DHDDS: variants seen among roughly 807,000 people sequenced by gnomAD.
DHDDS encodes dehydrodolichyl diphosphate synthase complex subunit DHDDS.
In DHDDS, 16 loss-of-function variants were observed where a neutral mutation model predicts 46.2. The ratio of observed to expected loss-of-function variants is 0.35; its 90% CI spans 0.23 to 0.53. DHDDS has a LOEUF of 0.53. DHDDS is among the 20% of genes least tolerant of loss of function. DHDDS has a pLI of 0.94. For missense variants in DHDDS, 340 were observed against 423.7 expected, an observed-to-expected ratio of 0.80 and a Z score of 1.73; for synonymous variants, 151 against 163.1, an observed-to-expected ratio of 0.93 and a Z score of 0.56.
chr1:26,460,159 A>G lies in DHDDS; in HGVS notation c.765+15A>G. The G allele has an allele frequency of 1.3e-6, 2 of 1,592,468 alleles. No homozygotes were observed. The highest frequency in any genetic ancestry group is 1.7e-6 in the Non-Finnish European group (2 of 1,160,660). On this transcript the variant is annotated intron_variant, in intron 8 of 8. Coordinates refer to ENST00000236342, the MANE Select transcript of DHDDS (RefSeq NM_205861.3). ...GCGTGCTTCAGGTAAGAAAGAGTTC[A>G]GGGCTGGCCAGATGGGATGGGATGG...
At position 26,469,282 on chromosome 1, in the gene DHDDS, A is replaced by G. The variant is rs1196119096; in HGVS notation, c.*151A>G. 12 of 1,450,080 alleles carry G rather than the reference A, an allele frequency of 8.3e-6. No homozygotes were observed. Among genetic ancestry groups the G allele is most frequent in the Admixed American group, 1.9e-5 (1 of 52,700 alleles). 89.8% of individuals were successfully genotyped at this position (1,450,080 alleles called of 1,614,324 possible). A position where few individuals can be genotyped will look rare whatever the true frequency, so the allele number is the denominator to read the frequency against. ...GCCCCCCAGGCCAGGTTTGCTGGCC[A>G]TAGATACCTTTGGGCTGCCTGGGAC... On this transcript the variant is annotated 3_prime_UTR_variant, in exon 9 of 9. Transcript: ENST00000236342.
intron 3 of DHDDS, among the ~76,000 whole-genome samples, chr1:26,439,781 G>A (rs1320012520): frequency 6.6e-6 from 1 of 152,176 alleles, no homozygotes; most frequent in African/African-American, 2.4e-5. Context: ...TATAATGCAT[G>A]TTATAAATTG....
At chr1:26,452,818 G>T (rs1323482344) in intron 6 of DHDDS, among the ~76,000 whole-genome samples, 3 of 152,144 alleles carry the variant, frequency 2.0e-5, no homozygotes, top group Admixed American at 6.6e-5. Context: ...AAAAAAATTA[G>T]ATGGACATGG....
At chr1:26,434,719 C>G (rs1042106962) in intron 2 of DHDDS, among the ~76,000 whole-genome samples, 9 of 152,086 alleles carry the variant, frequency 5.9e-5, no homozygotes, top group African/African-American at 2.2e-4. Flanking sequence ...GTGGTGCAGT[C>G]TTGGCTTACT....
intron 6 of DHDDS, among the ~76,000 whole-genome samples, chr1:26,456,771 C>A (rs2075374020): frequency 6.6e-6 from 1 of 152,224 alleles, no homozygotes; most frequent in Non-Finnish European, 1.5e-5. Flanking sequence ...TTCCTTACTT[C>A]TTATCCAATC....
At position 26,469,086 on chromosome 1, in the gene DHDDS, C is replaced by G. The variant is rs763737754; in HGVS notation, c.957C>G (p.Leu319=). ...AAGGCTTCCTGCAGGCCTTGGAACT[C>G]AAGCGAGCTGACTGGCTGGCCCGTC... is the stretch of plus-strand genomic sequence containing the variant. ...RVQGFLQALE[L]KRADWLARLG... is the part of the protein sequence containing the mutation. The change falls in exon 9 of 9, where the codon CTC becomes CTG. Residue 319 remains leucine (L), a synonymous_variant. Transcript: ENST00000236342. 4 of 1,613,266 alleles carry G rather than the reference C, an allele frequency of 2.5e-6. No homozygotes were observed. The South Asian group carries it at 4.4e-5, about 18-fold the overall frequency.
At chr1:26,464,607 A>T (rs2075463266) in intron 8 of DHDDS, among the ~76,000 whole-genome samples, 1 of 152,186 alleles carries the variant, frequency 6.6e-6, no homozygotes, top group East Asian at 1.9e-4. Context: ...GACTAACAGC[A>T]TCCTCACCAG....
intron 7 of DHDDS, 57 bp downstream of exon 7, chr1:26,457,962 CA>C (rs1267785147): frequency 6.8e-7 from 1 of 1,465,302 alleles, no homozygotes; most frequent in South Asian, 1.1e-5. Flanking sequence ...ACTGTATCCA[CA>C]GAATGGATCA....
At chr1:26,454,518 C>A in intron 6 of DHDDS, 1 of 554,706 alleles carries the variant, frequency 1.8e-6, no homozygotes, top group Non-Finnish European at 3.2e-6. Context: ...TCCCAAAGTG[C>A]ACTCAAATCT....
chr1:26,435,016 AT>A (rs751446182), intron 2 of DHDDS, among the ~76,000 whole-genome samples: 11 of 140,622 alleles, frequency 7.8e-5, no homozygotes, highest in East Asian at 2.1e-4. Context: ...TTGAAAAACA[AT>A]TTTTTTTTTT....
chr1:26,457,682 G>A, intron 6 of DHDDS, 109 bp from the exon 7 acceptor site: 1 of 818,472 alleles, frequency 1.2e-6, no homozygotes, highest in African/African-American at 1.7e-5. Context: ...GTATTTGATG[G>A]TATTGTATAA....
rs772379835 is a variant in DHDDS, at chr1:26,457,838, C to G, written c.590C>G (p.Ser197Cys). 4 of 1,613,876 alleles carry G rather than the reference C, an allele frequency of 2.5e-6. No individual in the cohort carries two copies. Among genetic ancestry groups the G allele is most frequent in the African/African-American group, 2.7e-5 (2 of 74,854 alleles). The change falls in exon 7 of 9, where the codon TCT becomes TGT. Residue 197 changes from serine (S) to cysteine (C), a missense_variant. Transcript: ENST00000236342. ...LLDKCLYTNR[S>C]PHPDILIRTS... is the part of the protein sequence containing the mutation. The stretch of plus-strand genomic sequence containing the variant: ...GATAAGTGCCTCTATACCAACCGCT[C>G]TCCTCATCCTGACATCTTGATACGG...
At chr1:26,447,982 A>G in intron 6 of DHDDS, 2 of 565,200 alleles carry the variant, frequency 3.5e-6, no homozygotes, top group South Asian at 4.8e-5. Flanking sequence ...AACCTGCTTC[A>G]GAACTAGAGT....
intron 8 of DHDDS, among the ~76,000 whole-genome samples, chr1:26,468,662 C>T (rs565420459): frequency 6.6e-6 from 1 of 152,262 alleles, no homozygotes; most frequent in South Asian, 2.1e-4. Context: ...GAAGTACAGA[C>T]GCTTCCACAC....
chr1:26,434,722 G>A (rs2075135740), intron 2 of DHDDS, among the ~76,000 whole-genome samples: 1 of 151,326 alleles, frequency 6.6e-6, no homozygotes, highest in Non-Finnish European at 1.5e-5. Flanking sequence ...GTGCAGTCTT[G>A]GCTTACTGCA....
chr1:26,432,767 C>A, intron 1 of DHDDS, 124 bp from the exon 2 acceptor site: 1 of 671,870 alleles, frequency 1.5e-6, no homozygotes, highest in Non-Finnish European at 2.7e-6. Flanking sequence ...AGATTATAGG[C>A]TTAGACCAGT....
chr1:26,453,134 CATAA>C (rs924105570), intron 6 of DHDDS, among the ~76,000 whole-genome samples: 13 of 151,688 alleles, frequency 8.6e-5, no homozygotes, highest in South Asian at 4.2e-4. Context: ...TCACTTTTGA[CATAA>C]ATATTTATAA....
In DHDDS at chr1:26,443,753, T is replaced by A. The variant is rs537632599; in HGVS notation, c.323+880T>A. Among the ~76,000 whole-genome samples the A allele has an allele frequency of 3.9e-5, 6 of 152,182 alleles. No individual in the cohort carries two copies. In the East Asian group the frequency reaches 1.2e-3, roughly 29 times the overall value. ...TGAGACTCTGGGCTACAGACATTGC[T>A]CCCCGGTCCCCAGCAGAGCCTGTGT... On this transcript the variant is annotated intron_variant, in intron 4 of 8. Transcript: ENST00000236342.
Position 26,447,671 on chromosome 1 carries a change from T to C in DHDDS, c.542+11T>C, listed in dbSNP as rs1268905536. The C allele has an allele frequency of 1.9e-6, 3 of 1,610,354 alleles. No individual in the cohort carries two copies. Among genetic ancestry groups the C allele is most frequent in the Admixed American group, 1.7e-5 (1 of 60,002 alleles). ...CCTGTTGGATCCCAGGTATCCCGAG[T>C]TGTTTTGCATGGTAATTGTTAAGGA... is the stretch of plus-strand genomic sequence containing the variant. On this transcript the variant is annotated intron_variant, in intron 6 of 8. Transcript: ENST00000236342.
Sources: allele counts gnomAD v4.1 joint callset (sites outside exome capture counted in the v4.1 genomes callset), GRCh38; gene constraint gnomAD v4.1.1; transcripts MANE v1.5; gene names NCBI Gene and HGNC (gene_info 2026-07-23, HGNC 2026-07-21).